Variants in OSBPL6 observed in about 807,000 individuals in gnomAD.
The protein encoded by OSBPL6 is oxysterol-binding protein-related protein 6.
A neutral mutation model predicts 125.8 loss-of-function variants in OSBPL6; 49 were observed. The observed-to-expected ratio is 0.39, with a 90% CI of 0.31 to 0.49. The LOEUF (loss-of-function observed/expected upper bound fraction) is 0.49. Among genes scored for constraint, OSBPL6 ranks in the 20% least tolerant of loss-of-function variants. The probability of loss-of-function intolerance (pLI) is 0.88; values close to 1 mark genes in which losing one functional copy is unlikely to be tolerated. For missense variants in OSBPL6, 986 were observed against 1,135.4 expected (o/e 0.87, Z 1.89); for synonymous variants, 394 against 391.8 (o/e 1.01, Z -0.07).
At chr2:178,345,086 A>G (rs1473819468) in intron 11 of OSBPL6, among the ~76,000 whole-genome samples, 2 of 152,214 alleles carry the variant, frequency 1.3e-5, no homozygotes, top group African/African-American at 4.8e-5. Flanking sequence ...TACAGAATAT[A>G]AAATAGACTA....
chr2:178,337,519 C>T lies in OSBPL6; in HGVS notation c.790+1086C>T, dbSNP rs910507869. Among the ~76,000 whole-genome samples, 6 of 152,312 alleles carry T rather than the reference C, an allele frequency of 3.9e-5. No individual in the cohort carries two copies. In the East Asian group the frequency reaches 7.7e-4, roughly 20 times the overall value. On this transcript the variant is annotated intron_variant, in intron 9 of 24. Coordinates refer to ENST00000190611, the MANE Select transcript of OSBPL6 (RefSeq NM_032523.4). ...ATAGAAGTGACAAAGAATGATGTAG[C>T]ATGGCCCAGGTGAAGGCTCTAGCAG...
chr2:178,294,422 A>C (rs1685546549), intron 2 of OSBPL6, among the ~76,000 whole-genome samples: 2 of 152,320 alleles, frequency 1.3e-5, no homozygotes, highest in South Asian at 4.1e-4. Context: ...ATGATAACAG[A>C]CGTCTTAAAA....
At chr2:178,238,379 T>C (rs1559148470) in intron 1 of OSBPL6, among the ~76,000 whole-genome samples, 1 of 152,210 alleles carries the variant, frequency 6.6e-6, no homozygotes, top group African/African-American at 2.4e-5. Context: ...GGTCATGGTA[T>C]CGCAGTGCTT....
In OSBPL6 at chr2:178,384,101, G is replaced by A; in HGVS notation, c.1938G>A (p.Lys646=). The A allele has an allele frequency of 6.2e-7, 1 of 1,614,130 alleles. No individual in the cohort carries two copies. The highest frequency in any genetic ancestry group is 8.5e-7 in the Non-Finnish European group (1 of 1,179,986). The part of the protein sequence containing the change: ...YCSTYFRAGS[K]PFNPVLGETY... ...CCACCTATTTCAGAGCAGGAAGTAA[G>A]CCATTCAACCCAGTCCTTGGGGAGA... The change falls in exon 18 of 25, where the codon AAG becomes AAA. Residue 646 remains lysine (K), a synonymous_variant. Transcript: ENST00000190611.
chr2:178,243,905 C>G (rs1417633798), intron 1 of OSBPL6, among the ~76,000 whole-genome samples: 1 of 152,222 alleles, frequency 6.6e-6, no homozygotes, highest in African/African-American at 2.4e-5. Flanking sequence ...CCTGCCTCAG[C>G]CTCCCAAAGT....
chr2:178,375,636 T>C (rs2154108212), intron 15 of OSBPL6, among the ~76,000 whole-genome samples: 1 of 152,220 alleles, frequency 6.6e-6, no homozygotes, highest in East Asian at 1.9e-4. Flanking sequence ...TTGGTCAGGC[T>C]GGTCTCGAAA....
At position 178,349,243 on chromosome 2, in the gene OSBPL6, T is replaced by C. The variant is rs1276703874; in HGVS notation, c.1007T>C (p.Met336Thr). Residue 336 changes from methionine to threonine, a missense_variant, in exon 12 of 25, where the codon ATG becomes ACG. This residue lies in a region of OSBPL6 where 843 missense variants were observed against 997.3 expected (regional missense o/e 0.85). Transcript: ENST00000190611. ...IQLQVPFSAT[M>T]SPVRLHSSNP... ...TTTCAGGTTCCTTTCAGTGCTACCA[T>C]GTCACCAGTTCGCTTGCATTCCTCC... The C allele has an allele frequency of 6.2e-7, 1 of 1,614,184 alleles. No homozygotes were observed. The highest frequency in any genetic ancestry group is 1.1e-5 in the South Asian group (1 of 91,086).
At chr2:178,265,296 C>T (rs2092198248) in intron 1 of OSBPL6, among the ~76,000 whole-genome samples, 1 of 140,424 alleles carries the variant, frequency 7.1e-6, no homozygotes. Context: ...ACTGTAGCCT[C>T]AACCTTCTGG....
At chr2:178,269,177 G>T (rs942030172) in intron 1 of OSBPL6, among the ~76,000 whole-genome samples, 6 of 152,202 alleles carry the variant, frequency 3.9e-5, no homozygotes, top group African/African-American at 1.4e-4. Flanking sequence ...CAGAAGAGAG[G>T]TATAGGGCAG....
intron 20 of OSBPL6, among the ~76,000 whole-genome samples, chr2:178,387,537 T>A (rs1030230831): frequency 1.3e-5 from 2 of 152,226 alleles, no homozygotes; most frequent in Non-Finnish European, 2.9e-5. Flanking sequence ...GGTTGTGTTC[T>A]AGAGGATACT....
chr2:178,388,457 A>G (rs1232517111), intron 20 of OSBPL6, among the ~76,000 whole-genome samples: 1 of 151,742 alleles, frequency 6.6e-6, no homozygotes, highest in African/African-American at 2.4e-5. Context: ...GCCTCATCAC[A>G]CCTTTCCTGC....
chr2:178,286,491 A>C (rs990289208), intron 2 of OSBPL6, among the ~76,000 whole-genome samples: 1 of 152,258 alleles, frequency 6.6e-6, no homozygotes, highest in Non-Finnish European at 1.5e-5. Flanking sequence ...AAAATGTATG[A>C]GCTTTGAGAA....
At chr2:178,344,942 CA>C (rs79068282) in intron 11 of OSBPL6, among the ~76,000 whole-genome samples, 3 of 149,684 alleles carry the variant, frequency 2.0e-5, no homozygotes, top group African/African-American at 4.9e-5. Context: ...GTGGAAATGA[CA>C]AAAAAAAGAC....
In OSBPL6 at chr2:178,324,220, C is replaced by T; in HGVS notation, c.146C>T (p.Pro49Leu). 1 of 1,583,568 alleles carries T rather than the reference C, an allele frequency of 6.3e-7. No individual in the cohort carries two copies. The highest frequency in any genetic ancestry group is 8.6e-7 in the Non-Finnish European group (1 of 1,159,286). The change falls in exon 4 of 25, where the codon CCC becomes CTC. Residue 49 changes from proline to leucine, a missense_variant. By Grantham distance (98) the Pro-to-Leu change is moderately conservative. Transcript: ENST00000190611. The part of the protein sequence containing the change: ...LERTASSSTE[P>L]SVSRQLLEPE... Reference sequence around the variant, plus strand: ...AGGACTGCTTCCTCTAGCACCGAGCCCTCTGTAAGTCGGCAATTGCTAGAA... The same window carrying T: ...AGGACTGCTTCCTCTAGCACCGAGCTCTCTGTAAGTCGGCAATTGCTAGAA...
chr2:178,220,113 T>C (rs781405820), intron 1 of OSBPL6, among the ~76,000 whole-genome samples: 17 of 152,200 alleles, frequency 1.1e-4, no homozygotes, highest in Non-Finnish European at 1.5e-4. Context: ...ATAACTACTA[T>C]GTGCTGATAG....
At chr2:178,217,507 T>C (rs1241358146) in intron 1 of OSBPL6, among the ~76,000 whole-genome samples, 2 of 152,110 alleles carry the variant, frequency 1.3e-5, no homozygotes, top group Admixed American at 6.5e-5. Flanking sequence ...AGTGGAGGTT[T>C]AATAGGCAGA....
intron 12 of OSBPL6, among the ~76,000 whole-genome samples, chr2:178,350,403 A>G (rs1037625016): frequency 2.0e-5 from 3 of 152,184 alleles, no homozygotes; most frequent in African/African-American, 7.2e-5. Context: ...GCTTTTCGTC[A>G]CAAATATGTT....
chr2:178,221,012 C>A (rs2090316681), intron 1 of OSBPL6, among the ~76,000 whole-genome samples: 1 of 152,162 alleles, frequency 6.6e-6, no homozygotes, highest in Non-Finnish European at 1.5e-5. Context: ...AGAGTGCCGT[C>A]TTTATGGTGG....
At position 178,317,781 on chromosome 2, in the gene OSBPL6, A is replaced by C. The variant is rs1188770959; in HGVS notation, c.103-6396A>C. On this transcript the variant is annotated intron_variant, in intron 3 of 24. Transcript: ENST00000190611. ...TAGCAAAATCACGTAAGTGATTATC[A>C]TACTAAAAAATCCTTACCCTGGGTA... Among the ~76,000 whole-genome samples the C allele has an allele frequency of 2.6e-5, 4 of 151,882 alleles. 1 individual carries two copies. Among genetic ancestry groups the C allele is most frequent in the East Asian group, 3.9e-4 (2 of 5,166 alleles).
Sources: allele counts gnomAD v4.1 joint callset (sites outside exome capture counted in the v4.1 genomes callset), GRCh38; gene constraint gnomAD v4.1.1; regional missense constraint gnomAD v4.1.1; transcripts MANE v1.5; gene names NCBI Gene and HGNC (gene_info 2026-07-23, HGNC 2026-07-21).